ZNF320: variants seen among roughly 807,000 people sequenced by gnomAD.
ZNF320 encodes the protein zinc finger gene 320.
A neutral mutation model predicts 6.8 loss-of-function variants in ZNF320; 2 were observed. That is an observed-to-expected ratio of 0.29 (90% CI 0.12 to 0.93). The LOEUF is 0.93. Among genes scored for constraint, ZNF320 ranks in the 40% least tolerant of loss-of-function variants. The pLI is 0.55. For synonymous variants in ZNF320, 208 were observed against 203.2 expected (o/e 1.02, Z -0.20); for missense variants, 472 against 611.0 (o/e 0.77, Z 2.40).
Position 52,882,038 on chromosome 19 carries a change from C to G in ZNF320, c.143-55G>C, listed in dbSNP as rs750220999. 440 of 1,487,400 alleles carry G rather than the reference C, an allele frequency of 3.0e-4. 1 individual carries two copies. The highest frequency in any genetic ancestry group is 1.1e-3 in the Admixed American group (49 of 46,196). 92.1% of individuals were successfully genotyped at this position (1,487,400 alleles called of 1,614,324 possible). On this transcript the variant is annotated intron_variant, in intron 5 of 5. Transcript: ENST00000682928. ...AATTAAGTACAGATGGTATAAAACA[C>G]TGAAATGTATAAATATCACACACAC...
intron 5 of ZNF320, among the ~76,000 whole-genome samples, chr19:52,864,788 C>G (rs2063514638): frequency 1.3e-5 from 2 of 152,204 alleles, no homozygotes; most frequent in Admixed American, 1.3e-4. Flanking sequence ...CCGAGGCAGG[C>G]AGATCATGAT....
chr19:52,891,716 G>A (rs996560450), intron 2 of ZNF320, among the ~76,000 whole-genome samples: 1 of 152,164 alleles, frequency 6.6e-6, no homozygotes, highest in Non-Finnish European at 1.5e-5. Context: ...CTTTTGTCCT[G>A]GGGAACACGG....
intron 2 of ZNF320, chr19:52,892,269 A>C (rs896930626): frequency 6.6e-6 from 1 of 152,282 alleles, no homozygotes; most frequent in Non-Finnish European, 1.5e-5. Context: ...AGGAAGGTTG[A>C]GGCAGGAGAA....
At chr19:52,867,885 T>A (rs746113403) in intron 5 of ZNF320, among the ~76,000 whole-genome samples, 1 of 152,144 alleles carries the variant, frequency 6.6e-6, no homozygotes, top group Admixed American at 6.6e-5. Context: ...GTACTGGGAT[T>A]ACAGGCTTGA....
At chr19:52,873,357 A>G (rs1466927164), downstream of ZNF320, among the ~76,000 whole-genome samples, 1 of 152,224 alleles carries the variant, frequency 6.6e-6, no homozygotes, top group African/African-American at 2.4e-5. Context: ...TTAATCAAGA[A>G]TGGAGAATGG....
chr19:52,873,230 T>C (rs973681760), downstream of ZNF320, among the ~76,000 whole-genome samples: 1 of 152,228 alleles, frequency 6.6e-6, no homozygotes, highest in Non-Finnish European at 1.5e-5. Flanking sequence ...CTGTAAGGTC[T>C]TTCCCTTCCC....
rs780460409 is a variant in ZNF320 at position 52,888,146 on chromosome 19, A to G, written c.123T>C (p.Tyr41=). The stretch of plus-strand genomic sequence containing the variant: ...CCTCACCCAGGGAGACCAGGTTCCT[A>G]TAATTCTCCAGCATCACGTCTCTGT... The part of the protein sequence containing the change: ...TLYRDVMLEN[Y]RNLVSLDISS... The change falls in exon 5 of 6, where the codon TAT becomes TAC. Residue 41 remains tyrosine (Y), a synonymous_variant. Transcript: ENST00000682928. 6 of 1,579,498 alleles carry G rather than the reference A, an allele frequency of 3.8e-6. No individual in the cohort carries two copies. Among genetic ancestry groups the G allele is most frequent in the Admixed American group, 2.0e-5 (1 of 50,528 alleles).
intron 5 of ZNF320, among the ~76,000 whole-genome samples, chr19:52,887,626 G>A (rs11665695): frequency 0.19 from 28,774 of 152,078 alleles, 2,812 homozygotes; most frequent in East Asian, 0.27. Context: ...TTGCTCTGTC[G>A]TCTGGGCTGG....
intron 5 of ZNF320, among the ~76,000 whole-genome samples, chr19:52,868,484 C>G (rs999919431): frequency 6.9e-6 from 1 of 145,688 alleles, no homozygotes; most frequent in African/African-American, 2.6e-5. Context: ...CCAGCCTGGG[C>G]AAGAAGAGCG....
intron 3 of ZNF320, 95 bp downstream of exon 3, chr19:52,891,134 G>A (rs1217801541): frequency 6.6e-6 from 1 of 152,064 alleles, no homozygotes; most frequent in Non-Finnish European, 1.5e-5. Context: ...GGGTGACAGA[G>A]TAAGACTTAA....
chr19:52,898,890 TCGGGCCTGGCCC>T (rs1476365965), upstream of ZNF320, among the ~76,000 whole-genome samples: 1 of 152,266 alleles, frequency 6.6e-6, no homozygotes, highest in African/African-American at 2.4e-5. Context: ...AGGCCTGGTT[TCGGGCCTGGCCC>T]CGGGGCTGCC....
intron 3 of ZNF320, among the ~76,000 whole-genome samples, chr19:52,890,556 GCA>G (rs996611725): frequency 1.3e-5 from 2 of 152,158 alleles, no homozygotes; most frequent in African/African-American, 4.8e-5. Context: ...CCCCTTCAGG[GCA>G]CAGACTCAGA....
At position 52,881,381 on chromosome 19, in the gene ZNF320, C is replaced by T. The variant is rs1194705403; in HGVS notation, c.745G>A (p.Glu249Lys). The part of the protein sequence containing the change: ...HTGEKPYKCN[E>K]CGKTFSQTSH... The stretch of plus-strand genomic sequence containing the variant: ...GTCTGACTAAAGGTCTTGCCACACT[C>T]ATTACACTTATAAGGTTTCTCTCCA... The change falls in exon 6 of 6, where the codon GAG becomes AAG. Residue 249 changes from glutamate to lysine, a missense_variant. Glu to Lys is a moderately conservative substitution (Grantham distance 56). Transcript: ENST00000682928. The T allele has an allele frequency of 7.4e-6, 12 of 1,613,994 alleles. No homozygotes were observed. The highest frequency in any genetic ancestry group is 9.3e-6 in the Non-Finnish European group (11 of 1,179,912).
rs1184053261 is a variant in ZNF320, at chr19:52,877,017, G to A, written c.*3579C>T. 2 of 152,288 alleles carry A rather than the reference G, an allele frequency of 1.3e-5. No individual in the cohort carries two copies. Among genetic ancestry groups the A allele is most frequent in the African/African-American group, 4.8e-5 (2 of 41,464 alleles). 9.4% of individuals were successfully genotyped at this position (152,288 alleles called of 1,614,324 possible). A position where few individuals can be genotyped will look rare whatever the true frequency, so the allele number is the denominator to read the frequency against. On this transcript the variant is annotated 3_prime_UTR_variant, in exon 6 of 6. Coordinates refer to ENST00000682928, the MANE Select transcript of ZNF320 (RefSeq NM_001351774.2). ...AGCAACTTTGGAGGCTGAGGTGGGA[G>A]GATCCCTTGAACCCAGGAGATTGAA...
chr19:52,860,728 T>C (rs2063482843), downstream of ZNF320, among the ~76,000 whole-genome samples: 1 of 152,222 alleles, frequency 6.6e-6, no homozygotes, highest in Non-Finnish European at 1.5e-5. Context: ...ACATTGTTTT[T>C]CTGTAGGAGT....
exon 6 of ZNF320, chr19:52,862,629 A>T: frequency 1.9e-6 from 1 of 513,118 alleles, no homozygotes; most frequent in South Asian, 2.0e-5. Context: ...TGAATAGGCG[A>T]TGCCCTCACC....
chr19:52,894,453 G>T (rs2064410209), intron 1 of ZNF320, among the ~76,000 whole-genome samples: 1 of 151,718 alleles, frequency 6.6e-6, no homozygotes, highest in South Asian at 2.1e-4. Context: ...TGAGCAAAAG[G>T]AATGTCTCTC....
At chr19:52,886,977 A>AGGAAG (rs1449836916) in intron 5 of ZNF320, among the ~76,000 whole-genome samples, 12 of 123,152 alleles carry the variant, frequency 9.7e-5, no homozygotes, top group Admixed American at 9.1e-4. Flanking sequence ...AAAGAAAGAA[A>AGGAAG]GAAGGAAGGA....
At chr19:52,874,701 C>G (rs1341075468), downstream of ZNF320, among the ~76,000 whole-genome samples, 1 of 152,092 alleles carries the variant, frequency 6.6e-6, no homozygotes, top group African/African-American at 2.4e-5. Flanking sequence ...ACAGAACAGG[C>G]AACATGGATC....
Sources: allele counts gnomAD v4.1 joint callset (sites outside exome capture counted in the v4.1 genomes callset), GRCh38; gene constraint gnomAD v4.1.1; transcripts MANE v1.5; gene names NCBI Gene and HGNC (gene_info 2026-07-23, HGNC 2026-07-21).